ITGB5: variants seen among roughly 807,000 people sequenced by gnomAD.
The protein encoded by ITGB5 is integrin beta-5.
In ITGB5, 38 loss-of-function variants were observed where a neutral mutation model predicts 84.8. That is an observed-to-expected ratio of 0.45 (90% CI 0.35 to 0.59). The LOEUF (loss-of-function observed/expected upper bound fraction) is 0.59. ITGB5 is among the 20% of genes least tolerant of loss of function. ITGB5 has a pLI of 0.01. For missense variants in ITGB5, 905 were observed against 1,034.5 expected, an observed-to-expected ratio of 0.87 and a Z score of 1.72; for synonymous variants, 393 against 414.4, an observed-to-expected ratio of 0.95 and a Z score of 0.63.
intron 2 of ITGB5, among the ~76,000 whole-genome samples, chr3:124,870,862 G>A (rs1304496683): frequency 1.3e-5 from 2 of 152,128 alleles, no homozygotes; most frequent in Admixed American, 6.5e-5. Context: ...TATGCAGGTC[G>A]TTATGGAGTA....
chr3:124,787,860 C>A (rs1462410813), intron 10 of ITGB5: 2 of 151,180 alleles, frequency 1.3e-5, no homozygotes, highest in Admixed American at 1.3e-4. Flanking sequence ...CAATTTGGTA[C>A]CTTTTTGCTT....
chr3:124,780,491 G>T (rs991865644), intron 10 of ITGB5, among the ~76,000 whole-genome samples: 13 of 152,210 alleles, frequency 8.5e-5, no homozygotes, highest in Non-Finnish European at 1.8e-4. Flanking sequence ...ATGCACTGTG[G>T]CTTCCTTGGC....
intron 4 of ITGB5, among the ~76,000 whole-genome samples, chr3:124,844,274 T>A (rs1579284972): frequency 7.7e-6 from 1 of 129,698 alleles, no homozygotes; most frequent in South Asian, 2.6e-4. Context: ...AAAGAATAGG[T>A]GGGGGCTGGG....
chr3:124,883,290 T>C (rs1041748295), intron 1 of ITGB5, among the ~76,000 whole-genome samples: 1 of 152,196 alleles, frequency 6.6e-6, no homozygotes, highest in African/African-American at 2.4e-5. Flanking sequence ...TTAGATATTT[T>C]AATTCCCCGT....
chr3:124,820,809 A>G (rs1011047948), intron 6 of ITGB5, among the ~76,000 whole-genome samples: 1 of 152,206 alleles, frequency 6.6e-6, no homozygotes, highest in Admixed American at 6.5e-5. Context: ...TTGTGGTTAT[A>G]GACTGTTGGG....
At chr3:124,793,351 T>C (rs1208575828) in intron 10 of ITGB5, among the ~76,000 whole-genome samples, 4 of 152,150 alleles carry the variant, frequency 2.6e-5, no homozygotes, top group East Asian at 1.9e-4. Context: ...TTTGCTAATA[T>C]CTCTTTAAAA....
At chr3:124,769,800 T>A (rs1464627746) in intron 11 of ITGB5, 1 of 152,196 alleles carries the variant, frequency 6.6e-6, no homozygotes, top group African/African-American at 2.4e-5. Flanking sequence ...CAGTCTACAC[T>A]AGGCTCTGGC....
chr3:124,871,547 C>G lies in ITGB5; in HGVS notation c.156+1899G>C, dbSNP rs920399699. 9.2e-5 allele frequency among the ~76,000 whole-genome samples: 14 copies of G among 152,220 alleles called. No homozygotes were observed. The South Asian group carries it at 2.9e-3, about 32-fold the overall frequency. On this transcript the variant is annotated intron_variant, in intron 2 of 14. Coordinates refer to ENST00000296181, the MANE Select transcript of ITGB5 (RefSeq NM_002213.5). ...GGTATCAGTCAAGGAAAGGAGGGGCCGGGCATGGTGGCTCACATCTGTAAT... is the reference window on the plus strand; with the variant it reads ...GGTATCAGTCAAGGAAAGGAGGGGCGGGGCATGGTGGCTCACATCTGTAAT...
chr3:124,783,312 AAG>A (rs1220165092), intron 10 of ITGB5, among the ~76,000 whole-genome samples: 5 of 147,628 alleles, frequency 3.4e-5, no homozygotes, highest in South Asian at 2.2e-4. Context: ...AAAAAAAAAA[AAG>A]AGAGAGAGAG....
chr3:124,815,498 A>G (rs1323221737), intron 8 of ITGB5, among the ~76,000 whole-genome samples: 2 of 152,194 alleles, frequency 1.3e-5, no homozygotes, highest in African/African-American at 4.8e-5. Context: ...AAAGGCCCTG[A>G]CTCAGCAGGA....
intron 3 of ITGB5, among the ~76,000 whole-genome samples, chr3:124,858,430 A>G (rs1331375361): frequency 6.6e-6 from 1 of 152,220 alleles, no homozygotes; most frequent in Non-Finnish European, 1.5e-5. Flanking sequence ...GAGTAAATCT[A>G]CCAGCATCCT....
chr3:124,855,913 G>A (rs923462340), intron 3 of ITGB5, among the ~76,000 whole-genome samples: 7 of 151,982 alleles, frequency 4.6e-5, no homozygotes, highest in Non-Finnish European at 8.8e-5. Context: ...GCATAAATAC[G>A]GATTGTATGC....
intron 1 of ITGB5, among the ~76,000 whole-genome samples, chr3:124,882,574 G>T (rs1347944580): frequency 6.6e-6 from 1 of 152,222 alleles, no homozygotes; most frequent in African/African-American, 2.4e-5. Flanking sequence ...GGATCGAAGG[G>T]AAAGTGGTGA....
At position 124,763,281 on chromosome 3, in the gene ITGB5, G is replaced by A; in HGVS notation, c.*342C>T. On this transcript the variant is annotated 3_prime_UTR_variant, in exon 15 of 15. Transcript: ENST00000296181. ...CCTGACAGTCTTCTTGTCTGGCCAG[G>A]CTGGGGGCCCAGCATTCCTGGAAGG... The A allele has an allele frequency of 4.7e-6, 1 of 212,214 alleles. No homozygotes were observed. Among genetic ancestry groups the A allele is most frequent in the African/African-American group, 2.3e-5 (1 of 43,844 alleles). 13.1% of individuals were successfully genotyped at this position (212,214 alleles called of 1,614,324 possible).
At chr3:124,850,878 AG>A (rs2065143106) in intron 3 of ITGB5, among the ~76,000 whole-genome samples, 2 of 151,042 alleles carry the variant, frequency 1.3e-5, no homozygotes, top group African/African-American at 4.9e-5. Context: ...GGCAGGGAAG[AG>A]GGGGGAGTTG....
chr3:124,800,345 C>G (rs573933530), intron 9 of ITGB5, among the ~76,000 whole-genome samples: 15 of 152,328 alleles, frequency 9.8e-5, no homozygotes, highest in African/African-American at 3.6e-4. Context: ...GGAAACTTGC[C>G]TGCCTTGGGG....
chr3:124,893,650 G>A (rs1235605810), intron 1 of ITGB5, among the ~76,000 whole-genome samples: 1 of 152,096 alleles, frequency 6.6e-6, no homozygotes, highest in Non-Finnish European at 1.5e-5. Context: ...GACAAGTCCA[G>A]GGGCACACTG....
rs3841933 is a variant in ITGB5, at chr3:124,780,709, T to TC, written c.1694-6798dup. On this transcript the variant is annotated intron_variant, in intron 10 of 14. Transcript: ENST00000296181. ...GTCTCATCTCAGTTCTGCCTTAGTG[T>TC]CCCCCCCCCCGTGTTTCCCCACTTT... The TC allele has an allele frequency of 3.6e-3, 446 of 124,784 alleles. 1 individual carries two copies. The highest frequency in any genetic ancestry group is 8.8e-3 in the South Asian group (30 of 3,390). The allele number at this position is 124,784 out of a possible 1,614,324, so 7.7% of individuals were successfully genotyped here. A position where few individuals can be genotyped will look rare whatever the true frequency, so the allele number is the denominator to read the frequency against.
intron 10 of ITGB5, among the ~76,000 whole-genome samples, chr3:124,786,788 C>T (rs2064087749): frequency 6.6e-6 from 1 of 152,180 alleles, no homozygotes; most frequent in Non-Finnish European, 1.5e-5. Context: ...CCCCACCTCA[C>T]CAGAGGCACT....
Sources: allele counts gnomAD v4.1 joint callset (sites outside exome capture counted in the v4.1 genomes callset), GRCh38; gene constraint gnomAD v4.1.1; transcripts MANE v1.5; gene names NCBI Gene and HGNC (gene_info 2026-07-23, HGNC 2026-07-21).